LUZP2: variants seen among roughly 807,000 people sequenced by gnomAD.
LUZP2 encodes leucine zipper protein 2.
A neutral mutation model predicts 51.6 loss-of-function variants in LUZP2; 52 were observed. The ratio of observed to expected loss-of-function variants is 1.01; its 90% CI spans 0.81 to 1.27. The LOEUF is 1.27. LUZP2 is among the 50% of genes most tolerant of loss of function. The pLI, the probability that LUZP2 is intolerant of heterozygous loss-of-function variation, is 0.00. For synonymous variants in LUZP2, 154 were observed against 137.3 expected (o/e 1.12, Z -0.85); for missense variants, 436 against 395.4 (o/e 1.10, Z -0.87).
intron 5 of LUZP2, among the ~76,000 whole-genome samples, chr11:24,791,579 T>C (rs1238537948): frequency 6.6e-6 from 1 of 152,114 alleles, no homozygotes; most frequent in African/African-American, 2.4e-5. Context: ...ACTACTTGCA[T>C]GTAAAGCAGC....
intron 10 of LUZP2, among the ~76,000 whole-genome samples, chr11:25,052,503 C>T (rs1218393002): frequency 6.6e-6 from 1 of 152,074 alleles, no homozygotes; most frequent in Non-Finnish European, 1.5e-5. Flanking sequence ...TCATAAGAAC[C>T]CTCTGGGGAG....
chr11:24,583,225 A>G (rs1852936988), intron 1 of LUZP2, among the ~76,000 whole-genome samples: 1 of 152,086 alleles, frequency 6.6e-6, no homozygotes, highest in South Asian at 2.1e-4. Flanking sequence ...TCATATATAC[A>G]TTCATTCTCC....
At chr11:24,889,092 C>A (rs1481849450) in intron 5 of LUZP2, among the ~76,000 whole-genome samples, 1 of 152,184 alleles carries the variant, frequency 6.6e-6, no homozygotes, top group African/African-American at 2.4e-5. Context: ...TATGCAGGGT[C>A]TACCTTCCAC....
At chr11:24,533,354 A>G (rs1851072963) in intron 1 of LUZP2, among the ~76,000 whole-genome samples, 1 of 151,292 alleles carries the variant, frequency 6.6e-6, no homozygotes, top group African/African-American at 2.4e-5. Flanking sequence ...AAAGAGTTAT[A>G]TCCTACCCAT....
At chr11:24,675,803 A>ATTTATTTATTTG (rs1856527608) in intron 1 of LUZP2, among the ~76,000 whole-genome samples, 1 of 58,186 alleles carries the variant, frequency 1.7e-5, no homozygotes, top group Admixed American at 2.6e-4. Flanking sequence ...TTATTTATTT[A>ATTTATTTATTTG]TTTATTTATT....
intron 1 of LUZP2, among the ~76,000 whole-genome samples, chr11:24,670,167 T>C (rs1590325414): frequency 6.6e-6 from 1 of 152,092 alleles, no homozygotes; most frequent in African/African-American, 2.4e-5. Flanking sequence ...ATAGTGTTCA[T>C]AGAAGCAACA....
rs12292925 is a variant in LUZP2, at chr11:24,809,980, G to A, written c.396+46672G>A. Among the ~76,000 whole-genome samples, 1,288 of 152,262 alleles carry A rather than the reference G, an allele frequency of 8.5e-3. 19 individuals are homozygous for A. The highest frequency in any genetic ancestry group is 0.029 in the African/African-American group (1,221 of 41,560). ...TATCATAATGCTGCAAAAGCATAGT[G>A]AAGTCCAGAGGTGTGTTTTCCCCAC... On this transcript the variant is annotated intron_variant, in intron 5 of 11. Transcript: ENST00000336930.
At chr11:24,718,709 T>C (rs371554141) in intron 1 of LUZP2, among the ~76,000 whole-genome samples, 1 of 152,076 alleles carries the variant, frequency 6.6e-6, no homozygotes, top group South Asian at 2.1e-4. Flanking sequence ...AATAATAAAA[T>C]ATTATAATAC....
At chr11:24,821,324 G>T (rs188760495) in intron 5 of LUZP2, among the ~76,000 whole-genome samples, 1 of 152,224 alleles carries the variant, frequency 6.6e-6, no homozygotes, top group Non-Finnish European at 1.5e-5. Flanking sequence ...ATTACTACTT[G>T]TAGAATGAAT....
intron 1 of LUZP2, among the ~76,000 whole-genome samples, chr11:24,523,718 C>T (rs1482430905): frequency 6.6e-6 from 1 of 151,508 alleles, no homozygotes; most frequent in Non-Finnish European, 1.5e-5. Context: ...CCTAATCTCT[C>T]TGGATAGGTA....
chr11:24,695,876 A>G (rs1857231663), intron 1 of LUZP2, among the ~76,000 whole-genome samples: 1 of 151,764 alleles, frequency 6.6e-6, no homozygotes, highest in Non-Finnish European at 1.5e-5. Flanking sequence ...TAAAATATGC[A>G]TATACTTTTC....
intron 1 of LUZP2, among the ~76,000 whole-genome samples, chr11:24,545,544 A>C (rs10834379): frequency 0.44 from 60,986 of 138,324 alleles, 13,190 homozygotes; most frequent in Middle Eastern, 0.53. Flanking sequence ...GAGTCCTTTC[A>C]TTGTTGCTTG....
chr11:25,072,369 A>G (rs1384076099), intron 10 of LUZP2, among the ~76,000 whole-genome samples: 2 of 152,094 alleles, frequency 1.3e-5, no homozygotes, highest in Non-Finnish European at 2.9e-5. Flanking sequence ...CTGGCTCATA[A>G]TAGAAATTCA....
chr11:24,626,504 C>T (rs1369849224), intron 1 of LUZP2, among the ~76,000 whole-genome samples: 2 of 152,166 alleles, frequency 1.3e-5, no homozygotes, highest in African/African-American at 2.4e-5. Flanking sequence ...GTTCCTATTT[C>T]CTTTTCTGCT....
intron 7 of LUZP2, among the ~76,000 whole-genome samples, chr11:24,937,775 C>T (rs890418324): frequency 3.3e-5 from 5 of 152,002 alleles, no homozygotes; most frequent in African/African-American, 9.7e-5. Context: ...GTGGCGGGCG[C>T]CCGTAGTTCC....
At chr11:24,974,979 G>C (rs1450003329) in intron 7 of LUZP2, among the ~76,000 whole-genome samples, 1 of 151,978 alleles carries the variant, frequency 6.6e-6, no homozygotes, top group Non-Finnish European at 1.5e-5. Context: ...TCTTGGCTGG[G>C]CTGAAGTATG....
chr11:24,832,270 T>G (rs944245530), intron 5 of LUZP2, among the ~76,000 whole-genome samples: 1 of 149,624 alleles, frequency 6.7e-6, no homozygotes, highest in South Asian at 2.2e-4. Context: ...ATCACTTGAC[T>G]TGTTCTATAT....
chr11:24,835,078 C>A (rs1445533856), intron 5 of LUZP2, among the ~76,000 whole-genome samples: 1 of 152,010 alleles, frequency 6.6e-6, no homozygotes, highest in Admixed American at 6.6e-5. Context: ...GCTACAGTAA[C>A]TAAAACAGCA....
intron 1 of LUZP2, among the ~76,000 whole-genome samples, chr11:24,619,917 C>T (rs1854437263): frequency 6.6e-6 from 1 of 152,012 alleles, no homozygotes; most frequent in Admixed American, 6.6e-5. Flanking sequence ...ATAAGGAAGG[C>T]CAACTGTACA....
Sources: gnomAD v4.1 joint callset for allele counts (sites outside exome capture counted in the v4.1 genomes callset) on GRCh38, gnomAD v4.1.1 for gene constraint, MANE v1.5 for transcripts, NCBI Gene and HGNC (gene_info 2026-07-23, HGNC 2026-07-21) for gene names.